The following E2F7 variants were observed in gnomAD, a reference collection of about 807,000 sequenced individuals.
E2F7 encodes the protein E2F transcription factor 7.
In E2F7, 35 loss-of-function variants were observed where a neutral mutation model predicts 81.1. That is an observed-to-expected ratio of 0.43 (90% CI 0.33 to 0.57). The LOEUF is 0.57. Ranked by LOEUF, E2F7 falls within the 20% of genes least tolerant of loss-of-function variation. E2F7 has a pLI of 0.04. For synonymous variants in E2F7, 416 were observed against 416.2 expected, an observed-to-expected ratio of 1.00 and a Z score of 0.01; for missense variants, 961 against 1,093.7, an observed-to-expected ratio of 0.88 and a Z score of 1.71.
chr12:77,032,120 C>T (rs1954812745), intron 9 of E2F7, among the ~76,000 whole-genome samples: 1 of 152,232 alleles, frequency 6.6e-6, no homozygotes, highest in African/African-American at 2.4e-5. Flanking sequence ...ACCAGAACGA[C>T]TACAAATGCT....
At position 77,024,580 on chromosome 12, in the gene E2F7, C is replaced by T. The variant is rs77317519; in HGVS notation, c.2566-395G>A. ...GTAAAGCACTTTAGAGCATGTGAGG[C>T]CAACATGGTTTGTGTGTTGGCTCTT... is the stretch of plus-strand genomic sequence containing the variant. On this transcript the variant is annotated intron_variant, in intron 12 of 12. Transcript: ENST00000322886. Among the ~76,000 whole-genome samples, 1,058 of 152,294 alleles carry T rather than the reference C, an allele frequency of 6.9e-3. 10 individuals are homozygous for T. The highest frequency in any genetic ancestry group is 0.025 in the African/African-American group (1,022 of 41,544).
At chr12:77,024,876 TTGTC>T (rs969926087) in intron 12 of E2F7, among the ~76,000 whole-genome samples, 8 of 152,226 alleles carry the variant, frequency 5.3e-5, no homozygotes, top group Admixed American at 3.3e-4. Flanking sequence ...ACATAATTCT[TTGTC>T]TGGGAGAGTA....
intron 6 of E2F7, 31 bp downstream of exon 6, chr12:77,044,606 C>T: frequency 3.1e-6 from 5 of 1,609,358 alleles, no homozygotes; most frequent in Non-Finnish European, 4.2e-6. Context: ...CCTTTATGTG[C>T]TAGTAAGTTG....
chr12:77,051,109 C>A (rs1954983889), intron 3 of E2F7, among the ~76,000 whole-genome samples: 3 of 152,128 alleles, frequency 2.0e-5, no homozygotes, highest in Non-Finnish European at 4.4e-5. Context: ...TCAGAATCTG[C>A]CTTTTCATAA....
intron 9 of E2F7, among the ~76,000 whole-genome samples, chr12:77,031,648 A>C (rs1257399040): frequency 6.6e-6 from 1 of 152,176 alleles, no homozygotes; most frequent in Non-Finnish European, 1.5e-5. Context: ...CTCCAAAAAG[A>C]AAAAGCAAAA....
intron 5 of E2F7, chr12:77,045,613 A>G (rs1954933661): frequency 6.3e-6 from 1 of 159,742 alleles, no homozygotes; most frequent in Non-Finnish European, 1.4e-5. Context: ...ATGAAAGCAG[A>G]GGTTGTCTGT....
At chr12:77,049,717 T>C (rs112903310) in intron 4 of E2F7, among the ~76,000 whole-genome samples, 125 of 152,286 alleles carry the variant, frequency 8.2e-4, no homozygotes, top group African/African-American at 2.5e-3. Context: ...TCAAGTAGAC[T>C]TTCCTCTACT....
intron 8 of E2F7, 87 bp from the exon 9 acceptor site, chr12:77,033,209 A>G (rs1347563463): frequency 1.4e-5 from 17 of 1,202,286 alleles, no homozygotes; most frequent in Non-Finnish European, 2.0e-5. Flanking sequence ...CTGAGAATTC[A>G]TTATTCTCAG....
chr12:77,064,436 AATT>A (rs1955101751), intron 2 of E2F7, 104 bp downstream of exon 2: 1 of 880,100 alleles, frequency 1.1e-6, no homozygotes, highest in Non-Finnish European at 1.8e-6. Context: ...TATCAATATT[AATT>A]ATTATGCTTA....
intron 9 of E2F7, among the ~76,000 whole-genome samples, chr12:77,030,553 G>A (rs1392359176): frequency 6.6e-6 from 1 of 152,176 alleles, no homozygotes; most frequent in African/African-American, 2.4e-5. Context: ...AGTGGGAAGA[G>A]CCATTGGAAT....
chr12:77,034,032 C>A lies in E2F7; in HGVS notation c.1134G>T (p.Leu378=). ...PVDFSSSDEE[L]VDVSASVLPE... ...GTAAGACAGATGCAGAAACATCCAC[C>A]AGTTCTTCATCTACATAAACGAGAG... Residue 378 remains leucine, a synonymous_variant, in exon 8 of 13, where the codon CTG becomes CTT. Transcript: ENST00000322886. 4.3e-6 allele frequency: 7 copies of A among 1,612,006 alleles called. No homozygotes were observed. Among genetic ancestry groups the A allele is most frequent in the Non-Finnish European group, 5.9e-6 (7 of 1,179,188 alleles).
Position 77,023,747 on chromosome 12 carries a change from C to T in E2F7, c.*268G>A. 1 of 237,056 alleles carries T rather than the reference C, an allele frequency of 4.2e-6. No homozygotes were observed. Among genetic ancestry groups the T allele is most frequent in the Non-Finnish European group, 6.9e-6 (1 of 145,332 alleles). The allele number at this position is 237,056 out of a possible 1,614,324, so 14.7% of individuals were successfully genotyped here. ...TCCGGTAGCCTATTCAGATCTACTT[C>T]CAGAATAAGACGATTCTTGAATCAA... On this transcript the variant is annotated 3_prime_UTR_variant, in exon 13 of 13. Coordinates refer to ENST00000322886, the MANE Select transcript of E2F7 (RefSeq NM_203394.3).
At chr12:77,044,263 C>T (rs1337204771) in intron 6 of E2F7, 1 of 459,430 alleles carries the variant, frequency 2.2e-6, no homozygotes. Flanking sequence ...CAATTTTCAT[C>T]TCCACCCTTC....
chr12:77,063,823 C>A (rs879333953), intron 2 of E2F7, among the ~76,000 whole-genome samples: 1 of 152,160 alleles, frequency 6.6e-6, no homozygotes, highest in Non-Finnish European at 1.5e-5. Flanking sequence ...AAGTTCAATG[C>A]CCAAGTTGCT....
chr12:77,054,254 A>T (rs146918263), intron 3 of E2F7, among the ~76,000 whole-genome samples: 22 of 152,256 alleles, frequency 1.4e-4, no homozygotes, highest in African/African-American at 5.1e-4. Flanking sequence ...AAACTACTTA[A>T]AACACTTGAC....
intron 5 of E2F7, among the ~76,000 whole-genome samples, chr12:77,045,388 G>A (rs1477390132): frequency 6.6e-6 from 1 of 152,174 alleles, no homozygotes; most frequent in Non-Finnish European, 1.5e-5. Context: ...ATTAAGATAA[G>A]TACTGGCTCA....
In E2F7 at chr12:77,023,881, G is replaced by T; in HGVS notation, c.*134C>A. ...TCAGGAAATCAGATGATTGATGGTG[G>T]TGGGAAGTTAACAGAAGTGTGGATG... is the stretch of plus-strand genomic sequence containing the variant. On this transcript the variant is annotated 3_prime_UTR_variant, in exon 13 of 13. Transcript: ENST00000322886. 6 of 1,040,558 alleles carry T rather than the reference G, an allele frequency of 5.8e-6. No individual in the cohort carries two copies. Among genetic ancestry groups the T allele is most frequent in the Non-Finnish European group, 8.4e-6 (6 of 718,474 alleles). The allele number at this position is 1,040,558 out of a possible 1,614,324, so 64.5% of individuals were successfully genotyped here.
chr12:77,039,182 C>T (rs1320266631), intron 7 of E2F7, among the ~76,000 whole-genome samples: 1 of 152,188 alleles, frequency 6.6e-6, no homozygotes, highest in Non-Finnish European at 1.5e-5. Flanking sequence ...ACCTCCCATC[C>T]CCTCAGAAAA....
chr12:77,064,575 A>C lies in E2F7; in HGVS notation c.61T>G (p.Phe21Val). 6.2e-7 allele frequency: 1 copy of C among 1,614,136 alleles called. No homozygotes were observed. The highest frequency in any genetic ancestry group is 8.5e-7 in the Non-Finnish European group (1 of 1,180,014). ...LISPRQPRLD[F>V]AVEDGENAQK... ...GCATTTTCCCCATCTTCAACTGCAA[A>C]ATCTAGTCTGGGCTGCCTGGGGCTG... Residue 21 changes from phenylalanine to valine, a missense_variant, in exon 2 of 13, where the codon TTT becomes GTT. This residue lies in a region of E2F7 where 73 missense variants were observed against 68.4 expected (regional missense o/e 1.07). Transcript: ENST00000322886.
Sources: allele counts gnomAD v4.1 joint callset (sites outside exome capture counted in the v4.1 genomes callset), GRCh38; gene constraint gnomAD v4.1.1; regional missense constraint gnomAD v4.1.1; transcripts MANE v1.5; gene names NCBI Gene and HGNC (gene_info 2026-07-23, HGNC 2026-07-21).